The following ZMYM4 variants were observed in gnomAD, a reference collection of about 807,000 sequenced individuals.
ZMYM4 encodes zinc finger MYM-type containing 4, also known as zinc finger MYM-type protein 4.
A neutral mutation model predicts 183.2 loss-of-function variants in ZMYM4; 31 were observed. The ratio of observed to expected loss-of-function variants is 0.17; its 90% confidence interval spans 0.13 to 0.23. The LOEUF is 0.23. Ranked by LOEUF, ZMYM4 falls within the 10% of genes least tolerant of loss-of-function variation. The pLI is 1.00. For missense variants in ZMYM4, 1,273 were observed against 1,840.3 expected (o/e 0.69, Z 5.64); for synonymous variants, 592 against 631.2 (o/e 0.94, Z 0.93).
Position 35,373,544 on chromosome 1 carries a change from ATTTTTTTTTTT to A in ZMYM4, c.1181+2929_1181+2939del, listed in dbSNP as rs202022428. On this transcript the variant is annotated intron_variant, in intron 7 of 29. Coordinates refer to ENST00000314607, the MANE Select transcript of ZMYM4 (RefSeq NM_005095.3). ...AGGCATCCGCCACCATGCACAGCTA[ATTTTTTTTTTT>A]TTTTTTTTTTTGTATTTTCAGTAGA... Among the ~76,000 whole-genome samples the A allele has an allele frequency of 6.5e-5, 8 of 122,816 alleles. No homozygotes were observed. The South Asian group carries it at 1.8e-3, about 27-fold the overall frequency. 80.6% of individuals were successfully genotyped at this position (122,816 alleles called of 152,430 possible).
At chr1:35,367,529 A>G (rs1013185955) in intron 5 of ZMYM4, among the ~76,000 whole-genome samples, 1 of 152,132 alleles carries the variant, frequency 6.6e-6, no homozygotes, top group Non-Finnish European at 1.5e-5. Flanking sequence ...ACGTCTGGCC[A>G]TAAGTATCCT....
In ZMYM4 at chr1:35,361,612, G is replaced by A. The variant is rs556520061; in HGVS notation, c.670-7G>A. The A allele has an allele frequency of 4.3e-6, 7 of 1,610,220 alleles. No individual in the cohort carries two copies. The African/African-American group carries it at 9.4e-5, about 22-fold the overall frequency. ...AATATTTATTAATCCTTTATATTGT[G>A]TTTTAGGATTCCAGCTACCCATTTG... On this transcript the variant is annotated splice_region_variant and splice_polypyrimidine_tract_variant and intron_variant, in intron 4 of 29. Transcript: ENST00000314607.
At chr1:35,269,613 G>A (rs1639495392) in intron 1 of ZMYM4, among the ~76,000 whole-genome samples, 1 of 152,130 alleles carries the variant, frequency 6.6e-6, no homozygotes, top group African/African-American at 2.4e-5. Context: ...GTGAAGAAGT[G>A]GGATCGTTGG....
At chr1:35,340,817 A>T (rs1643173061) in intron 2 of ZMYM4, among the ~76,000 whole-genome samples, 1 of 152,172 alleles carries the variant, frequency 6.6e-6, no homozygotes, top group Non-Finnish European at 1.5e-5. Context: ...ATGGACTGGT[A>T]CTGGTCTGTG....
chr1:35,286,012 C>G (rs1040466451), intron 1 of ZMYM4, among the ~76,000 whole-genome samples: 2 of 152,094 alleles, frequency 1.3e-5, no homozygotes, highest in Non-Finnish European at 2.9e-5. Flanking sequence ...TTCACCATGT[C>G]TATTCAGTGT....
chr1:35,309,807 A>G (rs1486418416), intron 1 of ZMYM4, among the ~76,000 whole-genome samples: 1 of 151,866 alleles, frequency 6.6e-6, no homozygotes, highest in African/African-American at 2.4e-5. Context: ...CAAAAAAACT[A>G]CTTTAGAATA....
chr1:35,387,739 TAC>T, intron 13 of ZMYM4, 135 bp downstream of exon 13: 1 of 885,012 alleles, frequency 1.1e-6, no homozygotes, highest in Non-Finnish European at 1.6e-6. Flanking sequence ...TCGATTCATT[TAC>T]ACTTAGTTCA....
chr1:35,307,871 C>G (rs948223397), intron 1 of ZMYM4, among the ~76,000 whole-genome samples: 4 of 151,808 alleles, frequency 2.6e-5, no homozygotes, highest in African/African-American at 9.7e-5. Context: ...CTTCTGTCCC[C>G]CAGGCTGGAG....
intron 28 of ZMYM4, among the ~76,000 whole-genome samples, 161 bp downstream of exon 28, chr1:35,415,875 C>T (rs568766463): frequency 2.0e-5 from 3 of 152,152 alleles, no homozygotes; most frequent in African/African-American, 7.2e-5. Context: ...AAAGGCTGGC[C>T]TCAAAGTGAG....
Position 35,350,918 on chromosome 1 carries a change from C to T in ZMYM4, c.86-8007C>T, listed in dbSNP as rs1475223339. 6.2e-6 allele frequency: 4 copies of T among 643,014 alleles called. No homozygotes were observed. The African/African-American group carries it at 7.3e-5, about 12-fold the overall frequency. The allele number at this position is 643,014 out of a possible 1,614,324, so 39.8% of individuals were successfully genotyped here. A position where few individuals can be genotyped will look rare whatever the true frequency, so the allele number is the denominator to read the frequency against. Reference sequence around the variant, plus strand: ...ATATCATTTGTCAGATTGCTTATGCCCTTATAGAGGGGGATATGATAGTCT... The same window carrying T: ...ATATCATTTGTCAGATTGCTTATGCTCTTATAGAGGGGGATATGATAGTCT... On this transcript the variant is annotated intron_variant, in intron 2 of 29. Transcript: ENST00000314607.
At chr1:35,370,266 C>G in intron 6 of ZMYM4, 106 bp from the exon 7 acceptor site, 1 of 1,443,252 alleles carries the variant, frequency 6.9e-7, no homozygotes, top group Non-Finnish European at 9.1e-7. Context: ...GGTTTCAAGA[C>G]TAGTTCTAGA....
At chr1:35,272,135 C>T (rs1405068857) in intron 1 of ZMYM4, among the ~76,000 whole-genome samples, 1 of 151,948 alleles carries the variant, frequency 6.6e-6, no homozygotes, top group Admixed American at 6.6e-5. Context: ...TACTCCAAGC[C>T]GATTAATGGG....
At chr1:35,308,786 G>C (rs1368242741) in intron 1 of ZMYM4, among the ~76,000 whole-genome samples, 1 of 152,208 alleles carries the variant, frequency 6.6e-6, no homozygotes, top group African/African-American at 2.4e-5. Flanking sequence ...GCTTGAACGT[G>C]GGGGGTGGAG....
chr1:35,306,604 G>A (rs1280060104), intron 1 of ZMYM4, among the ~76,000 whole-genome samples: 1 of 152,014 alleles, frequency 6.6e-6, no homozygotes, highest in East Asian at 1.9e-4. Flanking sequence ...ATCACATTAT[G>A]GCTCTACTTA....
chr1:35,411,895 T>G (rs963031916), intron 26 of ZMYM4, among the ~76,000 whole-genome samples: 1 of 152,152 alleles, frequency 6.6e-6, no homozygotes, highest in Non-Finnish European at 1.5e-5. Flanking sequence ...GTTTGTTTGT[T>G]TTTTTGAGAC....
At position 35,393,709 on chromosome 1, in the gene ZMYM4, C is replaced by G; in HGVS notation, c.2881C>G (p.Pro961Ala). Residue 961 changes from proline to alanine, a missense_variant, in exon 18 of 30, where the codon CCA (proline) becomes GCA (alanine). Pro to Ala is a conservative substitution (Grantham distance 27). Around this residue, in one of 6 missense-constraint regions of ZMYM4, gnomAD observed 290 missense variants for 353.3 expected, o/e 0.82. Coordinates refer to ENST00000314607, the MANE Select transcript of ZMYM4 (RefSeq NM_005095.3). Reference protein sequence around the residue: ...ITQTKATSCKPHTQNKECQTE... With the variant: ...ITQTKATSCKAHTQNKECQTE... ...ACAGACTAAAGCCACCTCTTGCAAA[C>G]CACATACCCAAAACAAAGAATGCCA... 2.5e-6 allele frequency: 4 copies of G among 1,610,084 alleles called. No homozygotes were observed. The highest frequency in any genetic ancestry group is 3.4e-6 in the Non-Finnish European group (4 of 1,177,968).
chr1:35,356,176 C>T (rs902046324), intron 2 of ZMYM4, among the ~76,000 whole-genome samples: 6 of 152,160 alleles, frequency 3.9e-5, no homozygotes, highest in African/African-American at 9.7e-5. Flanking sequence ...TGCCACTGCA[C>T]GCCAGCCTGG....
At chr1:35,313,875 G>A (rs2148790969) in intron 1 of ZMYM4, among the ~76,000 whole-genome samples, 1 of 152,280 alleles carries the variant, frequency 6.6e-6, no homozygotes, top group Non-Finnish European at 1.5e-5. Context: ...GAAAGGGCCG[G>A]TCTTTCAAGT....
chr1:35,417,251 A>T (rs796442028), intron 28 of ZMYM4, among the ~76,000 whole-genome samples: 3 of 151,460 alleles, frequency 2.0e-5, no homozygotes, highest in African/African-American at 7.3e-5. Context: ...AAAAAAAAAA[A>T]AAAGAAAGAA....
Sources: allele counts gnomAD v4.1 joint callset (sites outside exome capture counted in the v4.1 genomes callset), GRCh38; gene constraint gnomAD v4.1.1; regional missense constraint gnomAD v4.1.1; transcripts MANE v1.5; gene names NCBI Gene and HGNC (gene_info 2026-07-23, HGNC 2026-07-21).